Variants in PCCA observed in about 807,000 individuals in gnomAD.
The protein encoded by PCCA is propionyl-CoA carboxylase subunit alpha.
A neutral mutation model predicts 101.3 loss-of-function variants in PCCA; 74 were observed. That is an observed-to-expected ratio of 0.73 (90% CI 0.61 to 0.89). PCCA has a LOEUF of 0.89. PCCA is among the 40% of genes least tolerant of loss of function. The pLI is 0.00. For missense variants in PCCA, 891 were observed against 907.0 expected (o/e 0.98, Z 0.23); for synonymous variants, 294 against 313.6 (o/e 0.94, Z 0.66).
chr13:100,328,370 A>ATAT (rs1466047212), intron 16 of PCCA, among the ~76,000 whole-genome samples: 271 of 46,964 alleles, frequency 5.8e-3, no homozygotes, highest in South Asian at 9.5e-3. Flanking sequence ...CTCAAAAAAT[A>ATAT]TATAATAATA....
At position 100,257,613 on chromosome 13, in the gene PCCA, A is replaced by C; in HGVS notation, c.656A>C (p.Lys219Thr). 1 of 1,613,600 alleles carries C rather than the reference A, an allele frequency of 6.2e-7. No individual in the cohort carries two copies. The highest frequency in any genetic ancestry group is 8.5e-7 in the Non-Finnish European group (1 of 1,179,680). The change falls in exon 9 of 24, where the codon AAG (lysine) becomes ACG (threonine). Residue 219 changes from lysine to threonine, a missense_variant. Transcript: ENST00000376285. ...AREIGYPVMI[K>T]ASAGGGGKGM... Reference sequence around the variant, plus strand: ...CTGTTAGGCTACCCTGTCATGATCAAGGCCTCAGCAGGTGGTGGTGGGAAA... The same window carrying C: ...CTGTTAGGCTACCCTGTCATGATCACGGCCTCAGCAGGTGGTGGTGGGAAA...
intron 21 of PCCA, among the ~76,000 whole-genome samples, chr13:100,456,541 A>ATATTTATT: frequency 6.6e-6 from 1 of 152,306 alleles, no homozygotes; most frequent in Non-Finnish European, 1.5e-5. Flanking sequence ...GGGCGCGCTG[A>ATATTTATT]GTACAAGACC....
At chr13:100,497,674 G>A (rs1308837509) in intron 21 of PCCA, among the ~76,000 whole-genome samples, 2 of 152,060 alleles carry the variant, frequency 1.3e-5, no homozygotes, top group Non-Finnish European at 2.9e-5. Flanking sequence ...TAGTGATGCT[G>A]TCAGCAAGAA....
chr13:100,468,469 C>T (rs984730783), intron 21 of PCCA, among the ~76,000 whole-genome samples: 1 of 152,346 alleles, frequency 6.6e-6, no homozygotes, highest in South Asian at 2.1e-4. Flanking sequence ...AGTGTGGCCA[C>T]CTTCATCGGT....
At chr13:100,451,431 A>T (rs2081219786) in intron 21 of PCCA, among the ~76,000 whole-genome samples, 1 of 152,132 alleles carries the variant, frequency 6.6e-6, no homozygotes, top group Non-Finnish European at 1.5e-5. Context: ...GTCAGTCCGT[A>T]AGATGGACCT....
intron 4 of PCCA, among the ~76,000 whole-genome samples, chr13:100,136,431 C>G (rs1046190665): frequency 6.6e-6 from 1 of 152,142 alleles, no homozygotes; most frequent in Non-Finnish European, 1.5e-5. Context: ...GGTGATCCAC[C>G]TGTCTTGGCC....
intron 6 of PCCA, among the ~76,000 whole-genome samples, chr13:100,188,297 A>AACAAG (rs1329770745): frequency 1.5e-5 from 2 of 136,010 alleles, no homozygotes; most frequent in East Asian, 3.9e-4. Context: ...GTCTCAAAAA[A>AACAAG]ACAAAACAAA....
At chr13:100,260,563 ATTTTTTGTAT>A (rs1469234627) in intron 9 of PCCA, among the ~76,000 whole-genome samples, 18 of 151,630 alleles carry the variant, frequency 1.2e-4, no homozygotes, top group Non-Finnish European at 2.7e-4. Flanking sequence ...CGCCTGGCTA[ATTTTTTGTAT>A]TTTAGTAGAG....
intron 4 of PCCA, among the ~76,000 whole-genome samples, chr13:100,115,501 A>G (rs953620265): frequency 2.0e-5 from 3 of 152,188 alleles, no homozygotes; most frequent in South Asian, 4.1e-4. Flanking sequence ...ATTATTATAC[A>G]TTGTATGCTT....
At chr13:100,098,975 T>C (rs927205304) in intron 1 of PCCA, among the ~76,000 whole-genome samples, 31 of 152,198 alleles carry the variant, frequency 2.0e-4, no homozygotes, top group Admixed American at 1.2e-3. Context: ...CGTGTCATAA[T>C]ACATGGATAA....
intron 9 of PCCA, among the ~76,000 whole-genome samples, chr13:100,258,202 A>G (rs1402052415): frequency 6.6e-6 from 1 of 152,166 alleles, no homozygotes; most frequent in Non-Finnish European, 1.5e-5. Context: ...ATGCGCTCTT[A>G]TTATAATTTA....
intron 16 of PCCA, among the ~76,000 whole-genome samples, chr13:100,320,585 T>C (rs1007018235): frequency 2.6e-5 from 4 of 152,242 alleles, no homozygotes; most frequent in Non-Finnish European, 4.4e-5. Context: ...GAGATAATCA[T>C]GTGGTTTTTG....
At chr13:100,206,934 C>T (rs554530998) in intron 6 of PCCA, among the ~76,000 whole-genome samples, 2 of 152,318 alleles carry the variant, frequency 1.3e-5, no homozygotes, top group East Asian at 3.9e-4. Context: ...ATGATACTTA[C>T]CTCTTGCTCT....
chr13:100,089,919 G>T (rs1198681167), intron 1 of PCCA, among the ~76,000 whole-genome samples: 1 of 152,096 alleles, frequency 6.6e-6, no homozygotes, highest in Non-Finnish European at 1.5e-5. Flanking sequence ...CAAACAGGTT[G>T]GAGTGCTTGT....
chr13:100,303,882 G>T (rs948953326), intron 14 of PCCA, among the ~76,000 whole-genome samples: 2 of 152,186 alleles, frequency 1.3e-5, no homozygotes, highest in African/African-American at 4.8e-5. Flanking sequence ...AAAAAAAATT[G>T]TGAAGATTTA....
At chr13:100,198,852 C>G (rs1208062501) in intron 6 of PCCA, among the ~76,000 whole-genome samples, 1 of 151,840 alleles carries the variant, frequency 6.6e-6, no homozygotes, top group Non-Finnish European at 1.5e-5. Flanking sequence ...CCATGGTTCA[C>G]TTTGTACAAA....
chr13:100,125,512 A>C (rs1027769497), intron 4 of PCCA, among the ~76,000 whole-genome samples: 1 of 152,190 alleles, frequency 6.6e-6, no homozygotes, highest in Non-Finnish European at 1.5e-5. Flanking sequence ...AGGTAATCAA[A>C]GGGTTTAAAA....
intron 6 of PCCA, among the ~76,000 whole-genome samples, chr13:100,178,805 C>T (rs559828058): frequency 2.0e-5 from 3 of 152,046 alleles, no homozygotes; most frequent in South Asian, 4.2e-4. Flanking sequence ...GGGCCGGGCG[C>T]GGTGGCTCAT....
chr13:100,356,341 C>T (rs1313890884), intron 18 of PCCA, among the ~76,000 whole-genome samples: 2 of 151,934 alleles, frequency 1.3e-5, no homozygotes, highest in Non-Finnish European at 2.9e-5. Flanking sequence ...AAATGGGAGA[C>T]AATATTTGCA....
Sources: allele counts gnomAD v4.1 joint callset (sites outside exome capture counted in the v4.1 genomes callset), GRCh38; gene constraint gnomAD v4.1.1; transcripts MANE v1.5; gene names NCBI Gene and HGNC (gene_info 2026-07-23, HGNC 2026-07-21).